The following CDH15 variants were observed in gnomAD, a reference collection of about 807,000 sequenced individuals.
CDH15 encodes cadherin 15, also known as cadherin-15.
In CDH15, 73 loss-of-function variants were observed where a neutral mutation model predicts 69.4. The ratio of observed to expected loss-of-function variants is 1.05; its 90% confidence interval spans 0.87 to 1.28. CDH15 has a LOEUF of 1.28. Among genes scored for constraint, CDH15 ranks in the 50% most tolerant of loss-of-function variants. CDH15 has a pLI of 0.00. For missense variants in CDH15, 1,343 were observed against 1,133.6 expected (o/e 1.18, Z -2.65); for synonymous variants, 624 against 507.7 (o/e 1.23, Z -3.08).
chr16:89,185,162 G>A lies in CDH15; in HGVS notation c.503-11G>A, dbSNP rs760302210. The stretch of plus-strand genomic sequence containing the variant: ...TGGACGTTGGCCCTCACGCCTCCCT[G>A]TGCTTCCCAGGCACCTATGTGACCA... On this transcript the variant is annotated splice_polypyrimidine_tract_variant and intron_variant, in intron 4 of 13. Transcript: ENST00000289746. 2 of 1,589,034 alleles carry A rather than the reference G, an allele frequency of 1.3e-6. No homozygotes were observed.
chr16:89,176,747 G>A (rs1030067235), intron 1 of CDH15, among the ~76,000 whole-genome samples: 4 of 151,608 alleles, frequency 2.6e-5, no homozygotes, highest in Non-Finnish European at 5.9e-5. Context: ...GGAGCAGGCC[G>A]CGAAGATGGT....
chr16:89,177,576 G>GGGGAGAGGGCACAGGGGAT (rs1402798625), intron 1 of CDH15, among the ~76,000 whole-genome samples: 45 of 152,068 alleles, frequency 3.0e-4, no homozygotes, highest in Admixed American at 1.3e-3. Context: ...CACAGGGGAC[G>GGGGAGAGGGCACAGGGGAT]GGGAGAGGGC....
intron 1 of CDH15, 38 bp from the exon 2 acceptor site, chr16:89,179,378 G>A: frequency 6.2e-7 from 1 of 1,612,398 alleles, no homozygotes; most frequent in Non-Finnish European, 8.5e-7. Flanking sequence ...CAGGGCTCCA[G>A]GAGACGGTAC....
At chr16:89,172,615 G>A (rs1047112851) in intron 1 of CDH15, among the ~76,000 whole-genome samples, 1 of 152,150 alleles carries the variant, frequency 6.6e-6, no homozygotes, top group East Asian at 1.9e-4. Flanking sequence ...TCTCTCCAAC[G>A]TGGGAGCAAG....
intron 4 of CDH15, 27 bp downstream of exon 4, chr16:89,183,719 G>T: frequency 6.4e-7 from 1 of 1,569,788 alleles, no homozygotes; most frequent in Non-Finnish European, 8.6e-7. Flanking sequence ...GCCCCGGGCC[G>T]GGAGGGGCTG....
rs1307774765 is a variant in CDH15 at position 89,185,702 on chromosome 16, A to AC, written c.663+375dup. 4.4e-5 allele frequency: 15 copies of AC among 340,240 alleles called. No homozygotes were observed. In the Middle Eastern group the frequency reaches 5.9e-3, roughly 133 times the overall value. The allele number at this position is 340,240 out of a possible 1,614,324, so 21.1% of individuals were successfully genotyped here. On this transcript the variant is annotated intron_variant, in intron 5 of 13. Transcript: ENST00000289746. ...TGTCGGACTTCGGTGCTCCCGGAAG[A>AC]CCCCCCTTGAGTCAGCTCCTCTAGG...
chr16:89,187,758 TG>T (rs1239580933), intron 6 of CDH15, among the ~76,000 whole-genome samples: 1 of 152,084 alleles, frequency 6.6e-6, no homozygotes, highest in Non-Finnish European at 1.5e-5. Flanking sequence ...GAGTCAGAGT[TG>T]GGAGAGAGGC....
chr16:89,173,352 A>G (rs1353067045), intron 1 of CDH15, among the ~76,000 whole-genome samples: 2 of 152,006 alleles, frequency 1.3e-5, no homozygotes, highest in Non-Finnish European at 2.9e-5. Context: ...TGGATTTGGG[A>G]GTGTCTGCCT....
chr16:89,191,191 G>C, intron 8 of CDH15, 139 bp from the exon 9 acceptor site: 1 of 933,004 alleles, frequency 1.1e-6, no homozygotes, highest in Non-Finnish European at 1.7e-6. Context: ...GTGTGTATAT[G>C]TTGTGTGCAT....
intron 1 of CDH15, among the ~76,000 whole-genome samples, chr16:89,177,781 C>T (rs1048001417): frequency 6.6e-6 from 1 of 152,190 alleles, no homozygotes; most frequent in African/African-American, 2.4e-5. Context: ...GTGGGGTCAG[C>T]CCAGAGCCAT....
Position 89,193,546 on chromosome 16 carries a change from GGACGACCTTCGA to G in CDH15, c.1936_1947del (p.Asp646_Asp649del). 2 of 1,611,682 alleles carry G rather than the reference GGACGACCTTCGA, an allele frequency of 1.2e-6. No homozygotes were observed. Among genetic ancestry groups the G allele is most frequent in the Non-Finnish European group, 1.7e-6 (2 of 1,179,646 alleles). ...GCAAGGGGCTGCTGCACGGCCCCCA[GGACGACCTTCGA>G]GACAATGTCCTCAACTACGATGAGC... On this transcript the variant is annotated inframe_deletion, in exon 12 of 14. Coordinates refer to ENST00000289746, the MANE Select transcript of CDH15 (RefSeq NM_004933.3).
chr16:89,183,647 C>T lies in CDH15; in HGVS notation c.457C>T (p.Leu153=). 1 of 1,613,228 alleles carries T rather than the reference C, an allele frequency of 6.2e-7. No individual in the cohort carries two copies. Among genetic ancestry groups the T allele is most frequent in the Non-Finnish European group, 8.5e-7 (1 of 1,179,710 alleles). Residue 153 remains leucine, a synonymous_variant, in exon 4 of 14, where the codon CTG becomes TTG. Transcript: ENST00000289746. ...VDQNDNRPAF[L]QEAFTGRVLE... is the part of the protein sequence containing the mutation. ...TCAGAATGACAACCGGCCAGCCTTC[C>T]TGCAGGAGGCGTTCACTGGCCGCGT...
chr16:89,193,802 G>A lies in CDH15; in HGVS notation c.2040G>A (p.Leu680=), dbSNP rs1915716523. The A allele has an allele frequency of 1.2e-6, 2 of 1,607,880 alleles. No homozygotes were observed. The highest frequency in any genetic ancestry group is 1.7e-5 in the Admixed American group (1 of 59,896). The change falls in exon 13 of 14, where the codon CTG becomes CTA. Residue 680 remains leucine, a synonymous_variant. Coordinates refer to ENST00000289746, the MANE Select transcript of CDH15 (RefSeq NM_004933.3). Reference sequence around the variant, plus strand: ...TGCGTCACCCGACAGCGCTGAGCCTGCCTCTGGGACCGCCGCCACTTCGCA... The same window carrying A: ...TGCGTCACCCGACAGCGCTGAGCCTACCTCTGGGACCGCCGCCACTTCGCA... ...SQLRHPTALS[L]PLGPPPLRRD...
chr16:89,180,453 G>A (rs1207820769), intron 3 of CDH15, 98 bp downstream of exon 3: 5 of 1,369,278 alleles, frequency 3.7e-6, no homozygotes, highest in Non-Finnish European at 3.0e-6. Context: ...CGCTCGGTGG[G>A]CTTCAGGCCA....
chr16:89,177,453 C>T (rs187346725), intron 1 of CDH15, among the ~76,000 whole-genome samples: 9 of 152,192 alleles, frequency 5.9e-5, no homozygotes, highest in Non-Finnish European at 1.3e-4. Flanking sequence ...GCTAGGAGAG[C>T]GCTGTTGGGT....
At position 89,195,139 on chromosome 16, in the gene CDH15, G is replaced by C; in HGVS notation, c.2429G>C (p.Arg810Thr). ...LSPGALLPRH[R>T]GRTA ...CCTGGGGCACTGCTACCCAGACACA[G>C]AGGCCGGACAGCCTGACCCTGGGGC... Residue 810 changes from arginine to threonine, a missense_variant, in exon 14 of 14, where the codon AGA (arginine) becomes ACA (threonine). Arg to Thr is a moderately conservative substitution (Grantham distance 71). Transcript: ENST00000289746. The C allele has an allele frequency of 6.3e-7, 1 of 1,596,650 alleles. No homozygotes were observed. Among genetic ancestry groups the C allele is most frequent in the Non-Finnish European group, 8.5e-7 (1 of 1,171,150 alleles).
chr16:89,193,759 C>A lies in CDH15; in HGVS notation c.1997C>A (p.Ala666Asp), dbSNP rs772285137. 3 of 1,603,618 alleles carry A rather than the reference C, an allele frequency of 1.9e-6. No homozygotes were observed. The highest frequency in any genetic ancestry group is 2.7e-5 in the African/African-American group (2 of 74,828). ...GTTCCACCTCCTCGCCCACAGGACG[C>A]CTACGACATCAGCCAGCTGCGTCAC... is the stretch of plus-strand genomic sequence containing the variant. ...EQGGGEEDQD[A>D]YDISQLRHPT... The change falls in exon 13 of 14, where the codon GCC (alanine) becomes GAC (aspartate). Residue 666 changes from alanine to aspartate, a missense_variant. Transcript: ENST00000289746.
At chr16:89,187,915 A>C (rs1339034073) in intron 6 of CDH15, among the ~76,000 whole-genome samples, 185 bp from the exon 7 acceptor site, 2 of 152,026 alleles carry the variant, frequency 1.3e-5, no homozygotes, top group Non-Finnish European at 2.9e-5. Context: ...ACAGTGACTC[A>C]CAAAACAGAC....
Position 89,195,277 on chromosome 16 carries a change from G to A in CDH15, c.*122G>A, listed in dbSNP as rs1312450092. The A allele has an allele frequency of 1.6e-5, 17 of 1,054,428 alleles. No homozygotes were observed. The East Asian group carries it at 1.8e-4, about 11-fold the overall frequency. The allele number at this position is 1,054,428 out of a possible 1,614,324, so 65.3% of individuals were successfully genotyped here. A position where few individuals can be genotyped will look rare whatever the true frequency, so the allele number is the denominator to read the frequency against. On this transcript the variant is annotated 3_prime_UTR_variant, in exon 14 of 14. Coordinates refer to ENST00000289746, the MANE Select transcript of CDH15 (RefSeq NM_004933.3). ...CTGGGGCAGCCTCCTTCCTGTAGGCGAGGGCCCAAGTCTGGGGGCAGAACC... is the reference window on the plus strand; with the variant it reads ...CTGGGGCAGCCTCCTTCCTGTAGGCAAGGGCCCAAGTCTGGGGGCAGAACC...
Sources: gnomAD v4.1 joint callset for allele counts (sites outside exome capture counted in the v4.1 genomes callset) on GRCh38, gnomAD v4.1.1 for gene constraint, MANE v1.5 for transcripts, NCBI Gene and HGNC (gene_info 2026-07-23, HGNC 2026-07-21) for gene names.